TRDN: variants seen among roughly 807,000 people sequenced by gnomAD.
The protein encoded by TRDN is triadin.
TRDN carries 161 observed loss-of-function variants against 149.7 expected under a neutral mutation model. The ratio of observed to expected loss-of-function variants is 1.08; its 90% CI spans 0.95 to 1.23. The LOEUF (loss-of-function observed/expected upper bound fraction) is 1.23, where lower values mean the gene tolerates loss of function less well. Among genes scored for constraint, TRDN ranks in the 50% most tolerant of loss-of-function variants. The pLI is 0.00. For missense variants in TRDN, 896 were observed against 823.5 expected, an observed-to-expected ratio of 1.09 and a Z score of -1.08; for synonymous variants, 294 against 250.5, an observed-to-expected ratio of 1.17 and a Z score of -1.64.
intron 1 of TRDN, among the ~76,000 whole-genome samples, chr6:123,616,207 T>C (rs1785074461): frequency 6.6e-6 from 1 of 151,980 alleles, no homozygotes; most frequent in Admixed American, 6.6e-5. Context: ...TAGCTGGGTG[T>C]CGTGGCATGT....
At chr6:123,285,402 C>T (rs527715418) in intron 24 of TRDN, among the ~76,000 whole-genome samples, 38 of 151,672 alleles carry the variant, frequency 2.5e-4, no homozygotes, top group Non-Finnish European at 4.4e-4. Flanking sequence ...TTACAGATTG[C>T]TTTTGACAAA....
intron 19 of TRDN, among the ~76,000 whole-genome samples, chr6:123,366,920 T>C (rs1781124251): frequency 6.6e-6 from 1 of 152,250 alleles, no homozygotes; most frequent in Non-Finnish European, 1.5e-5. Flanking sequence ...AAAAGTTGTT[T>C]AATACTGATT....
intron 1 of TRDN, among the ~76,000 whole-genome samples, chr6:123,612,804 A>G (rs1025006471): frequency 5.3e-5 from 8 of 152,156 alleles, no homozygotes; most frequent in Non-Finnish European, 7.4e-5. Context: ...GTAGATATTA[A>G]TTTTCTTTGA....
intron 12 of TRDN, among the ~76,000 whole-genome samples, chr6:123,432,349 C>G (rs1466512717): frequency 6.6e-6 from 1 of 151,798 alleles, no homozygotes; most frequent in Non-Finnish European, 1.5e-5. Context: ...GCATGCCTCT[C>G]TTTTAAGGCA....
chr6:123,529,748 A>G (rs1780138974), intron 5 of TRDN, among the ~76,000 whole-genome samples: 1 of 151,996 alleles, frequency 6.6e-6, no homozygotes, highest in African/African-American at 2.4e-5. Context: ...TATAGTTATT[A>G]TGAGATCTTT....
chr6:123,499,719 A>AAAAAAAAAAAAAAAAAAAAT, intron 8 of TRDN, among the ~76,000 whole-genome samples: 42 of 47,672 alleles, frequency 8.8e-4, no homozygotes, highest in Non-Finnish European at 1.6e-3. Context: ...AAAAAAAAAA[A>AAAAAAAAAAAAAAAAAAAAT]ATATATATAT....
intron 35 of TRDN, among the ~76,000 whole-genome samples, chr6:123,256,106 G>A (rs1562232695): frequency 6.6e-6 from 1 of 151,916 alleles, no homozygotes; most frequent in Non-Finnish European, 1.5e-5. Flanking sequence ...CACCCTCAGA[G>A]AGGCCCCAAT....
At chr6:123,350,045 ATATTT>A in intron 21 of TRDN, 1 of 984,226 alleles carries the variant, frequency 1.0e-6, no homozygotes, top group Non-Finnish European at 1.2e-6. Flanking sequence ...GCAAAGTTGA[ATATTT>A]TATTATAGTG....
chr6:123,434,086 T>C (rs866100426), intron 12 of TRDN: 1 of 152,178 alleles, frequency 6.6e-6, no homozygotes. Flanking sequence ...AATTTGATCA[T>C]ATTGCTTAGT....
At chr6:123,452,720 C>T (rs7772234) in intron 10 of TRDN, among the ~76,000 whole-genome samples, 22,942 of 151,976 alleles carry the variant, frequency 0.15, 2,251 homozygotes, top group African/African-American at 0.28. Flanking sequence ...CAAAATACCA[C>T]CGTAATTCTT....
intron 24 of TRDN, among the ~76,000 whole-genome samples, chr6:123,291,469 G>A (rs2114651446): frequency 6.6e-6 from 1 of 152,140 alleles, no homozygotes; most frequent in Admixed American, 6.5e-5. Flanking sequence ...GGAGGCTGAG[G>A]CAGGAGAATG....
At position 123,218,530 on chromosome 6, in the gene TRDN, C is replaced by T; in HGVS notation, c.*71G>A. The T allele has an allele frequency of 6.6e-7, 1 of 1,511,072 alleles. No individual in the cohort carries two copies. Among genetic ancestry groups the T allele is most frequent in the Non-Finnish European group, 8.9e-7 (1 of 1,123,994 alleles). The allele number at this position is 1,511,072 out of a possible 1,614,324, so 93.6% of individuals were successfully genotyped here. On this transcript the variant is annotated 3_prime_UTR_variant, in exon 41 of 41. Transcript: ENST00000334268. Reference sequence around the variant, plus strand: ...TCTCTGGGTTGCATATTCTTAATTGCCTGAACTACTGTGGACAAAACATCA... The same window carrying T: ...TCTCTGGGTTGCATATTCTTAATTGTCTGAACTACTGTGGACAAAACATCA...
chr6:123,324,501 C>A (rs756721516), intron 23 of TRDN, among the ~76,000 whole-genome samples: 4 of 151,868 alleles, frequency 2.6e-5, no homozygotes, highest in Non-Finnish European at 5.9e-5. Flanking sequence ...AAAAAACCTT[C>A]AAGGAGAGAA....
chr6:123,627,362 G>A (rs1785731361), intron 1 of TRDN, among the ~76,000 whole-genome samples: 1 of 152,162 alleles, frequency 6.6e-6, no homozygotes, highest in South Asian at 2.1e-4. Context: ...GCTCTTGGGT[G>A]ACCAGGTGCA....
At position 123,462,581 on chromosome 6, in the gene TRDN, A is replaced by G. The variant is rs1457833884; in HGVS notation, c.931+2325T>C. 2.6e-5 allele frequency: 4 copies of G among 152,232 alleles called. No individual in the cohort carries two copies. In the East Asian group the frequency reaches 7.7e-4, roughly 29 times the overall value. 9.4% of individuals were successfully genotyped at this position (152,232 alleles called of 1,614,324 possible). The stretch of plus-strand genomic sequence containing the variant: ...CTCTATATGAGCTCTACTTTTAAAA[A>G]ACATTAAAATTGAAATATGTACATT... On this transcript the variant is annotated intron_variant, in intron 10 of 40. Coordinates refer to ENST00000334268, the MANE Select transcript of TRDN (RefSeq NM_006073.4).
intron 24 of TRDN, among the ~76,000 whole-genome samples, chr6:123,302,679 G>T (rs533950631): frequency 1.2e-3 from 180 of 152,256 alleles, no homozygotes; most frequent in African/African-American, 4.3e-3. Flanking sequence ...AGCCAAGTTT[G>T]TGGCAAGAGA....
chr6:123,360,462 C>T (rs1199323781), intron 20 of TRDN, among the ~76,000 whole-genome samples: 5 of 152,140 alleles, frequency 3.3e-5, no homozygotes, highest in Admixed American at 6.5e-5. Context: ...GGTAGCCCAA[C>T]AACAGAGAAG....
At chr6:123,229,058 A>C (rs1367075503) in intron 38 of TRDN, among the ~76,000 whole-genome samples, 1 of 151,980 alleles carries the variant, frequency 6.6e-6, no homozygotes, top group African/African-American at 2.4e-5. Context: ...GAAGAATAAA[A>C]TTGTACTATC....
intron 4 of TRDN, among the ~76,000 whole-genome samples, chr6:123,536,547 G>T (rs6913445): frequency 0.52 from 78,866 of 151,480 alleles, 21,467 homozygotes; most frequent in African/African-American, 0.6. Flanking sequence ...TATGCCAAAG[G>T]TACTTATAAA....
Sources: gnomAD v4.1 joint callset for allele counts (sites outside exome capture counted in the v4.1 genomes callset) on GRCh38, gnomAD v4.1.1 for gene constraint, MANE v1.5 for transcripts, NCBI Gene and HGNC (gene_info 2026-07-23, HGNC 2026-07-21) for gene names.